Variants in CARMIL1 observed in about 807,000 individuals in gnomAD.
CARMIL1 encodes capping protein regulator and myosin 1 linker 1, also known as F-actin-uncapping protein LRRC16A.
A neutral mutation model predicts 177.1 loss-of-function variants in CARMIL1; 90 were observed. The observed-to-expected ratio is 0.51, with a 90% CI of 0.43 to 0.61. The LOEUF (loss-of-function observed/expected upper bound fraction) is 0.61, where lower values mean the gene tolerates loss of function less well. Among genes scored for constraint, CARMIL1 ranks in the 20% least tolerant of loss-of-function variants. The probability of loss-of-function intolerance (pLI) is 0.00; values close to 1 mark genes in which losing one functional copy is unlikely to be tolerated. For synonymous variants in CARMIL1, 577 were observed against 606.2 expected, an observed-to-expected ratio of 0.95 and a Z score of 0.71; for missense variants, 1,380 against 1,667.0, an observed-to-expected ratio of 0.83 and a Z score of 3.00.
chr6:25,526,211 T>C (rs868787331), intron 23 of CARMIL1, among the ~76,000 whole-genome samples: 11 of 151,436 alleles, frequency 7.3e-5, no homozygotes, highest in Admixed American at 2.0e-4. Flanking sequence ...GGCGTGGTGG[T>C]GGGCACCTGT....
intron 2 of CARMIL1, among the ~76,000 whole-genome samples, chr6:25,370,958 TCTGTATGCTTTTGTGTAC>T (rs1790352073): frequency 7.2e-6 from 1 of 139,410 alleles, no homozygotes; most frequent in African/African-American, 2.5e-5. Context: ...GCTAAATGAC[TCTGTATGCTTTTGTGTAC>T]CCATAGTTTA....
chr6:25,541,994 GATGCAT>G (rs1160022984), intron 26 of CARMIL1, among the ~76,000 whole-genome samples: 3 of 152,154 alleles, frequency 2.0e-5, no homozygotes, highest in African/African-American at 7.2e-5. Flanking sequence ...ATAACTCAGT[GATGCAT>G]CAAATAATTT....
chr6:25,414,872 T>G (rs1162232963), intron 2 of CARMIL1, among the ~76,000 whole-genome samples: 3 of 152,312 alleles, frequency 2.0e-5, no homozygotes, highest in African/African-American at 7.2e-5. Flanking sequence ...CTTATCAGTC[T>G]TCCTTCAAAG....
At position 25,620,275 on chromosome 6, in the gene CARMIL1, T is replaced by C. The variant is rs1408962057; in HGVS notation, c.*692T>C. 6.6e-6 allele frequency: 1 copy of C among 152,226 alleles called. No homozygotes were observed. Among genetic ancestry groups the C allele is most frequent in the Non-Finnish European group, 1.5e-5 (1 of 68,038 alleles). The allele number at this position is 152,226 out of a possible 1,614,324, so 9.4% of individuals were successfully genotyped here. ...CAGAGTGAGAGAGGCCCATGGCTGA[T>C]TTTACCATGTGCCCAGATTAATGTA... On this transcript the variant is annotated 3_prime_UTR_variant, in exon 37 of 37. Transcript: ENST00000329474.
intron 29 of CARMIL1, among the ~76,000 whole-genome samples, chr6:25,564,615 G>C (rs903669176): frequency 2.0e-5 from 3 of 152,110 alleles, no homozygotes; most frequent in Non-Finnish European, 2.9e-5. Flanking sequence ...TTATGGACAC[G>C]ATGGATTGTG....
chr6:25,337,333 C>T (rs1192309044), intron 2 of CARMIL1, among the ~76,000 whole-genome samples: 1 of 152,106 alleles, frequency 6.6e-6, no homozygotes, highest in African/African-American at 2.4e-5. Context: ...TGCATAAGAC[C>T]CATTTAACAT....
chr6:25,436,319 C>G (rs531337359), intron 5 of CARMIL1, among the ~76,000 whole-genome samples: 7 of 152,268 alleles, frequency 4.6e-5, no homozygotes, highest in Middle Eastern at 6.8e-3. Flanking sequence ...GATAGAAGAA[C>G]AGGATTCACA....
At chr6:25,504,943 G>A (rs755725726) in intron 17 of CARMIL1, among the ~76,000 whole-genome samples, 9 of 152,132 alleles carry the variant, frequency 5.9e-5, no homozygotes, top group Non-Finnish European at 1.2e-4. Context: ...CTGGTACAAC[G>A]TCACTACTCC....
intron 11 of CARMIL1, among the ~76,000 whole-genome samples, chr6:25,478,067 C>T (rs1801745150): frequency 6.6e-6 from 1 of 151,986 alleles, no homozygotes; most frequent in Non-Finnish European, 1.5e-5. Flanking sequence ...CTCTGTTGCC[C>T]AGGCTTCTCC....
At chr6:25,367,494 C>A (rs892295149) in intron 2 of CARMIL1, among the ~76,000 whole-genome samples, 1 of 151,938 alleles carries the variant, frequency 6.6e-6, no homozygotes, top group Non-Finnish European at 1.5e-5. Context: ...GGAGAGCTAG[C>A]AAACCAACAT....
intron 8 of CARMIL1, chr6:25,452,094 G>A (rs767661012): frequency 9.4e-6 from 7 of 743,008 alleles, no homozygotes; most frequent in African/African-American, 3.5e-5. Flanking sequence ...CAACTGAATC[G>A]GCCAGGGAAA....
intron 33 of CARMIL1, among the ~76,000 whole-genome samples, chr6:25,602,702 T>C (rs368317326): frequency 6.0e-4 from 92 of 152,204 alleles, no homozygotes; most frequent in African/African-American, 1.8e-3. Context: ...GAACATTTTT[T>C]TTCTAAAGTA....
intron 5 of CARMIL1, among the ~76,000 whole-genome samples, chr6:25,441,329 A>ATGTG (rs1183352138): frequency 1.6e-3 from 80 of 49,592 alleles, no homozygotes; most frequent in African/African-American, 6.3e-3. Context: ...ACATATATAT[A>ATGTG]TATATATATG....
chr6:25,612,635 G>GTTA (rs1212594826), intron 36 of CARMIL1: 1 of 498,886 alleles, frequency 2.0e-6, no homozygotes, highest in African/African-American at 2.1e-5. Flanking sequence ...TAAGTGGGGT[G>GTTA]GGTAAGCTGA....
At chr6:25,408,639 G>A (rs6906654) in intron 2 of CARMIL1, among the ~76,000 whole-genome samples, 24,745 of 151,996 alleles carry the variant, frequency 0.16, 2,538 homozygotes, top group Middle Eastern at 0.28. Flanking sequence ...TAAGTGGTGG[G>A]ACCAGAATTC....
At chr6:25,523,363 T>G (rs1223624020) in intron 23 of CARMIL1, among the ~76,000 whole-genome samples, 4 of 152,196 alleles carry the variant, frequency 2.6e-5, no homozygotes, top group Non-Finnish European at 5.9e-5. Context: ...GGCACTATTT[T>G]AAATGTTTTA....
At chr6:25,616,057 C>T (rs1582539113) in intron 36 of CARMIL1, among the ~76,000 whole-genome samples, 1 of 152,130 alleles carries the variant, frequency 6.6e-6, no homozygotes, top group Non-Finnish European at 1.5e-5. Context: ...ATTTACTTAT[C>T]TTCTATTAAC....
At chr6:25,602,550 A>G (rs1239947970) in intron 33 of CARMIL1, among the ~76,000 whole-genome samples, 1 of 152,230 alleles carries the variant, frequency 6.6e-6, no homozygotes, top group Non-Finnish European at 1.5e-5. Flanking sequence ...TAGGGCTTAC[A>G]CAGTATTAAT....
At chr6:25,350,546 G>A (rs1788012298) in intron 2 of CARMIL1, 2 of 152,244 alleles carry the variant, frequency 1.3e-5, no homozygotes, top group East Asian at 3.9e-4. Context: ...GGGTTCCTGT[G>A]GGCATTTGAG....
Sources: gnomAD v4.1 joint callset for allele counts (sites outside exome capture counted in the v4.1 genomes callset) on GRCh38, gnomAD v4.1.1 for gene constraint, MANE v1.5 for transcripts, NCBI Gene and HGNC (gene_info 2026-07-23, HGNC 2026-07-21) for gene names.